Variants in ABLIM1 observed in about 807,000 individuals in gnomAD.
The protein encoded by ABLIM1 is actin binding LIM protein 1.
Under a neutral mutation model 107.0 loss-of-function variants are expected in ABLIM1, and 40 were observed. The ratio of observed to expected loss-of-function variants is 0.37; its 90% CI spans 0.29 to 0.49. The LOEUF (loss-of-function observed/expected upper bound fraction) is 0.49, where lower values mean the gene tolerates loss of function less well. Ranked by LOEUF, ABLIM1 falls within the 20% of genes least tolerant of loss-of-function variation. The pLI, the probability that ABLIM1 is intolerant of heterozygous loss-of-function variation, is 0.97. For missense variants in ABLIM1, 857 were observed against 1,008.5 expected (o/e 0.85, Z 2.04); for synonymous variants, 357 against 357.3 (o/e 1.00, Z 0.01).
chr10:114,438,412 G>A lies in ABLIM1; in HGVS notation c.2143-488C>T, dbSNP rs191738891. Among the ~76,000 whole-genome samples, 298 of 152,152 alleles carry A rather than the reference G, an allele frequency of 2.0e-3. 1 individual carries two copies. The highest frequency in any genetic ancestry group is 6.9e-3 in the African/African-American group (285 of 41,508). On this transcript the variant is annotated intron_variant, in intron 21 of 22. Coordinates refer to ENST00000533213, the MANE Select transcript of ABLIM1 (RefSeq NM_002313.7). ...GTAGCTGGGACTATAGGCACATGTC[G>A]TCATGCCAAGCAATTTTTTTTAAGT...
intron 20 of ABLIM1, 40 bp downstream of exon 20, chr10:114,440,042 A>T: frequency 2.5e-6 from 4 of 1,613,806 alleles, no homozygotes; most frequent in Non-Finnish European, 3.4e-6. Context: ...TGGCTGTTCT[A>T]TCGGTGTGGC....
At chr10:114,735,758 A>G (rs1187181491) in intron 1 of ABLIM1, among the ~76,000 whole-genome samples, 1 of 152,168 alleles carries the variant, frequency 6.6e-6, no homozygotes, top group Non-Finnish European at 1.5e-5. Flanking sequence ...GTGAGCCACC[A>G]TGCCCGGCCA....
intron 1 of ABLIM1, among the ~76,000 whole-genome samples, chr10:114,706,963 C>T (rs1472750195): frequency 6.6e-6 from 1 of 152,032 alleles, no homozygotes; most frequent in Non-Finnish European, 1.5e-5. Flanking sequence ...TTCAGGCATA[C>T]AGAATGGTGT....
chr10:114,588,487 C>CTTTTTTT (rs34043960), intron 2 of ABLIM1, among the ~76,000 whole-genome samples: 96 of 76,550 alleles, frequency 1.3e-3, no homozygotes, highest in African/African-American at 2.6e-3. Flanking sequence ...TTCTTTCTTT[C>CTTTTTTT]TTTTTTTTTT....
At chr10:114,580,381 A>G (rs1006993377) in intron 2 of ABLIM1, among the ~76,000 whole-genome samples, 2 of 151,752 alleles carry the variant, frequency 1.3e-5, no homozygotes, top group African/African-American at 2.4e-5. Flanking sequence ...CTAATTTTTA[A>G]TTTTTTTGTA....
At chr10:114,749,467 C>CACACACAG (rs1425637034) in intron 1 of ABLIM1, among the ~76,000 whole-genome samples, 1 of 151,294 alleles carries the variant, frequency 6.6e-6, no homozygotes, top group Non-Finnish European at 1.5e-5. Context: ...CACACACACA[C>CACACACAG]ACACACACAC....
rs2059101446 is a variant in ABLIM1 at position 114,433,866 on chromosome 10, A to G, written c.*2394T>C. 1 of 152,184 alleles carries G rather than the reference A, an allele frequency of 6.6e-6. No individual in the cohort carries two copies. The highest frequency in any genetic ancestry group is 2.1e-4 in the South Asian group (1 of 4,822). 9.4% of individuals were successfully genotyped at this position (152,184 alleles called of 1,614,324 possible). A position where few individuals can be genotyped will look rare whatever the true frequency, so the allele number is the denominator to read the frequency against. ...TCCCAAATACCTTGATTTTTCTTAT[A>G]TTGACATTTCATCTGCACATGTCTG... On this transcript the variant is annotated 3_prime_UTR_variant, in exon 23 of 23. Transcript: ENST00000533213.
intron 1 of ABLIM1, among the ~76,000 whole-genome samples, chr10:114,649,150 T>TCG (rs1443876894): frequency 6.6e-6 from 1 of 151,958 alleles, no homozygotes; most frequent in Non-Finnish European, 1.5e-5. Flanking sequence ...ATAACCCCAG[T>TCG]GCTTTGGGAG....
At chr10:114,455,325 A>G (rs1443581258) in intron 12 of ABLIM1, among the ~76,000 whole-genome samples, 2 of 152,250 alleles carry the variant, frequency 1.3e-5, no homozygotes, top group Non-Finnish European at 2.9e-5. Flanking sequence ...CAAATATGTT[A>G]TAATGTTGAC....
chr10:114,719,480 T>G (rs1336144916), intron 1 of ABLIM1, among the ~76,000 whole-genome samples: 1 of 152,126 alleles, frequency 6.6e-6, no homozygotes, highest in Non-Finnish European at 1.5e-5. Flanking sequence ...GAGTGCTAGG[T>G]GAAAGTACGC....
At chr10:114,480,711 C>T (rs547787726) in intron 8 of ABLIM1, among the ~76,000 whole-genome samples, 1 of 152,272 alleles carries the variant, frequency 6.6e-6, no homozygotes, top group Admixed American at 6.5e-5. Context: ...AAGGAGCCTT[C>T]GGTAAGAACC....
intron 1 of ABLIM1, among the ~76,000 whole-genome samples, chr10:114,667,258 T>G (rs2080064760): frequency 6.6e-6 from 1 of 152,176 alleles, no homozygotes; most frequent in African/African-American, 2.4e-5. Flanking sequence ...TACCTTCCCA[T>G]TTCTAAAATC....
chr10:114,491,353 G>A (rs576552894), intron 7 of ABLIM1, among the ~76,000 whole-genome samples: 4 of 152,024 alleles, frequency 2.6e-5, no homozygotes, highest in Non-Finnish European at 4.4e-5. Context: ...CAGCCTGGGA[G>A]GCCTCAAAAA....
At chr10:114,650,804 T>G (rs2079204573) in intron 1 of ABLIM1, among the ~76,000 whole-genome samples, 2 of 152,230 alleles carry the variant, frequency 1.3e-5, no homozygotes, top group Non-Finnish European at 1.5e-5. Context: ...ACTAATTGTA[T>G]TTGTTATCTA....
At chr10:114,676,500 C>CAA (rs59493638) in intron 1 of ABLIM1, among the ~76,000 whole-genome samples, 57 of 150,098 alleles carry the variant, frequency 3.8e-4, no homozygotes, top group Admixed American at 9.3e-4. Context: ...CTCAAAAAAA[C>CAA]AAAAAAAAAG....
intron 3 of ABLIM1, among the ~76,000 whole-genome samples, chr10:114,572,758 T>C (rs955768731): frequency 1.3e-5 from 2 of 152,188 alleles, no homozygotes; most frequent in Admixed American, 1.3e-4. Flanking sequence ...AAGTCTTAAA[T>C]CTGTTCTGTA....
rs75682153 is a variant in ABLIM1 at position 114,757,322 on chromosome 10, T to C, written c.-213+10739A>G. 5.2e-3 allele frequency among the ~76,000 whole-genome samples: 787 copies of C among 152,326 alleles called. 4 individuals are homozygous for C. Among genetic ancestry groups the C allele is most frequent in the Non-Finnish European group, 8.8e-3 (596 of 68,024 alleles). On this transcript the variant is annotated intron_variant, in intron 1 of 15. Coordinates refer to the ABLIM1 transcript ENST00000651092. ...AGTCAACCACTTATTAGCTAGATGA[T>C]GATCTCAGGCAAGTTTCTTCATTTC...
chr10:114,754,046 G>A (rs1371778952), intron 1 of ABLIM1, among the ~76,000 whole-genome samples: 2 of 152,124 alleles, frequency 1.3e-5, no homozygotes, highest in Non-Finnish European at 2.9e-5. Flanking sequence ...TAGAGACGGC[G>A]TTTCACCGTT....
At chr10:114,537,226 A>C (rs2066137003) in intron 6 of ABLIM1, among the ~76,000 whole-genome samples, 1 of 152,212 alleles carries the variant, frequency 6.6e-6, no homozygotes, top group South Asian at 2.1e-4. Context: ...TCTTCTGAGA[A>C]TTGAAAGAGA....
Sources: allele counts gnomAD v4.1 joint callset (sites outside exome capture counted in the v4.1 genomes callset), GRCh38; gene constraint gnomAD v4.1.1; transcripts MANE v1.5; gene names NCBI Gene and HGNC (gene_info 2026-07-23, HGNC 2026-07-21).